The following INPP5A variants were observed in gnomAD, a reference collection of about 807,000 sequenced individuals.
The protein encoded by INPP5A is inositol polyphosphate-5-phosphatase A.
A neutral mutation model predicts 65.2 loss-of-function variants in INPP5A; 14 were observed. The observed-to-expected ratio is 0.21, with a 90% CI of 0.14 to 0.34. The LOEUF (loss-of-function observed/expected upper bound fraction) is 0.34, where lower values mean the gene tolerates loss of function less well. Among genes scored for constraint, INPP5A ranks in the 10% least tolerant of loss-of-function variants. The probability of loss-of-function intolerance (pLI) is 1.00; values close to 1 mark genes in which losing one functional copy is unlikely to be tolerated. For synonymous variants in INPP5A, 207 were observed against 208.3 expected (o/e 0.99, Z 0.05); for missense variants, 431 against 545.6 (o/e 0.79, Z 2.09).
At chr10:132,688,069 G>T (rs1209982056) in intron 4 of INPP5A, among the ~76,000 whole-genome samples, 1 of 152,188 alleles carries the variant, frequency 6.6e-6, no homozygotes, top group Non-Finnish European at 1.5e-5. Flanking sequence ...ACACGCCCTA[G>T]GAGCAGGAGC....
intron 12 of INPP5A, among the ~76,000 whole-genome samples, chr10:132,771,749 G>A (rs1453201549): frequency 1.1e-4 from 7 of 64,974 alleles, no homozygotes; most frequent in African/African-American, 2.6e-4. Context: ...TGACACAGAG[G>A]CCACAGCAGC....
At position 132,644,259 on chromosome 10, in the gene INPP5A, C is replaced by G. The variant is rs1425736477; in HGVS notation, c.118-1609C>G. Among the ~76,000 whole-genome samples, 2 of 152,204 alleles carry G rather than the reference C, an allele frequency of 1.3e-5. No individual in the cohort carries two copies. On this transcript the variant is annotated intron_variant, in intron 2 of 15. Coordinates refer to ENST00000368594, the MANE Select transcript of INPP5A (RefSeq NM_005539.5). The surrounding 1 kb of genome is among the most constrained non-coding windows in gnomAD (Gnocchi z 6.5). ...GAGGGAGGGGCCCACTCGGTGCATC[C>G]ACGCAGAGGCGGCTGCGAACTCAGG...
At chr10:132,756,257 A>G (rs947307895) in intron 11 of INPP5A, among the ~76,000 whole-genome samples, 1 of 151,858 alleles carries the variant, frequency 6.6e-6, no homozygotes, top group Non-Finnish European at 1.5e-5. Context: ...GTGTGCACTC[A>G]CGTGTGTGGT....
At chr10:132,713,371 C>T (rs1845684462) in intron 8 of INPP5A, among the ~76,000 whole-genome samples, 1 of 152,054 alleles carries the variant, frequency 6.6e-6, no homozygotes, top group African/African-American at 2.4e-5. Context: ...GGGGCCCCTC[C>T]TGAATGCTGG....
At chr10:132,680,808 G>C (rs1010760871) in intron 4 of INPP5A, among the ~76,000 whole-genome samples, 4 of 152,256 alleles carry the variant, frequency 2.6e-5, no homozygotes, top group South Asian at 2.1e-4. Context: ...CAGCAGCTGC[G>C]GAGGGTGTAC....
At chr10:132,670,750 G>C (rs1348876339) in intron 4 of INPP5A, among the ~76,000 whole-genome samples, 1 of 151,774 alleles carries the variant, frequency 6.6e-6, no homozygotes, top group Non-Finnish European at 1.5e-5. Flanking sequence ...AAACAGGCAG[G>C]CATTTCCCTC....
chr10:132,564,662 C>T (rs2071251142), intron 1 of INPP5A, among the ~76,000 whole-genome samples: 1 of 152,218 alleles, frequency 6.6e-6, no homozygotes, highest in South Asian at 2.1e-4. Flanking sequence ...ATAAACAGAC[C>T]TTGCCAAATG....
chr10:132,643,878 C>T (rs1305385895), intron 2 of INPP5A, among the ~76,000 whole-genome samples: 1 of 152,106 alleles, frequency 6.6e-6, no homozygotes, highest in Non-Finnish European at 1.5e-5. Flanking sequence ...GTCGTGGAGG[C>T]TCCGGAGCTT....
At chr10:132,548,699 T>C (rs927889710) in intron 1 of INPP5A, among the ~76,000 whole-genome samples, 4 of 152,092 alleles carry the variant, frequency 2.6e-5, no homozygotes, top group South Asian at 4.1e-4. Context: ...CCACAGGCTG[T>C]GTTGTTTTCA....
chr10:132,677,387 T>C (rs968384276), intron 4 of INPP5A, among the ~76,000 whole-genome samples: 4 of 152,178 alleles, frequency 2.6e-5, no homozygotes, highest in Admixed American at 6.5e-5. Context: ...TGAGAACATA[T>C]GTGGCACAGA....
chr10:132,624,481 G>A (rs2072153247), intron 2 of INPP5A, among the ~76,000 whole-genome samples: 1 of 133,468 alleles, frequency 7.5e-6, no homozygotes. Context: ...CTTCCCACCG[G>A]CGTGTCTGCA....
intron 12 of INPP5A, among the ~76,000 whole-genome samples, chr10:132,772,465 T>C (rs1282186396): frequency 1.4e-4 from 16 of 113,562 alleles, no homozygotes; most frequent in South Asian, 3.3e-4. Context: ...AGCCACCCCA[T>C]GAAGAGTGGG....
At chr10:132,589,065 G>T (rs553293256) in intron 1 of INPP5A, among the ~76,000 whole-genome samples, 2 of 152,340 alleles carry the variant, frequency 1.3e-5, no homozygotes, top group Admixed American at 1.3e-4. Flanking sequence ...GCCATCAGTG[G>T]TCACTGTTTC....
chr10:132,556,730 T>C (rs2071131916), intron 1 of INPP5A, among the ~76,000 whole-genome samples: 1 of 152,248 alleles, frequency 6.6e-6, no homozygotes, highest in Non-Finnish European at 1.5e-5. Flanking sequence ...GCATCTGTTA[T>C]AATTTAATTT....
At chr10:132,684,982 A>G (rs1371658638) in intron 4 of INPP5A, among the ~76,000 whole-genome samples, 2 of 152,150 alleles carry the variant, frequency 1.3e-5, no homozygotes, top group Non-Finnish European at 2.9e-5. Flanking sequence ...GAAGTTCTCT[A>G]TTTTGTTGCA....
chr10:132,596,718 C>A (rs1406458214), intron 1 of INPP5A, among the ~76,000 whole-genome samples: 1 of 152,222 alleles, frequency 6.6e-6, no homozygotes, highest in South Asian at 2.1e-4. Flanking sequence ...GCGTGAGCCA[C>A]CACGCCCGGC....
intron 4 of INPP5A, among the ~76,000 whole-genome samples, chr10:132,671,169 G>T (rs1016714221): frequency 2.6e-5 from 4 of 152,140 alleles, no homozygotes; most frequent in Non-Finnish European, 5.9e-5. Context: ...TGTCAGGAGT[G>T]TCCCTGTCTC....
intron 9 of INPP5A, among the ~76,000 whole-genome samples, chr10:132,747,220 G>C (rs1282110541): frequency 6.6e-6 from 1 of 152,250 alleles, no homozygotes; most frequent in African/African-American, 2.4e-5. Context: ...GACCTCCTTG[G>C]GACACAGGGG....
chr10:132,756,054 C>T (rs1379258717), intron 11 of INPP5A, among the ~76,000 whole-genome samples: 1 of 152,260 alleles, frequency 6.6e-6, no homozygotes. Context: ...ATAGGGACCC[C>T]ATCATTGGGT....
Sources: gnomAD v4.1 joint callset for allele counts (sites outside exome capture counted in the v4.1 genomes callset) on GRCh38, gnomAD v4.1.1 for gene constraint, Gnocchi (gnomAD v3.1) non-coding constraint, MANE v1.5 for transcripts, NCBI Gene and HGNC (gene_info 2026-07-23, HGNC 2026-07-21) for gene names.